RIMS4: variants seen among roughly 807,000 people sequenced by gnomAD.
RIMS4 encodes the protein regulating synaptic membrane exocytosis protein 4.
RIMS4 carries 9 observed loss-of-function variants against 29.0 expected under a neutral mutation model. The ratio of observed to expected loss-of-function variants is 0.31; its 90% CI spans 0.19 to 0.54. The LOEUF (loss-of-function observed/expected upper bound fraction) is 0.54. RIMS4 is among the 20% of genes least tolerant of loss of function. The pLI is 0.94. For missense variants in RIMS4, 193 were observed against 365.7 expected (o/e 0.53, Z 3.85); for synonymous variants, 130 against 152.9 (o/e 0.85, Z 1.10).
rs1797590388 is a variant in RIMS4 at position 44,756,599 on chromosome 20, T to C, written c.592-247A>G. Reference sequence around the variant, plus strand: ...GTAGAACACTTGCTGTAGGCAAAACTGCAAATACTTTTCCTGCACACAGCA... The same window carrying C: ...GTAGAACACTTGCTGTAGGCAAAACCGCAAATACTTTTCCTGCACACAGCA... On this transcript the variant is annotated intron_variant, in intron 5 of 5. Coordinates refer to ENST00000372851, the MANE Select transcript of RIMS4 (RefSeq NM_182970.4). This position sits in a 1 kb window ranked among gnomAD's most constrained non-coding sequence, Gnocchi z 5.9. 2.6e-5 allele frequency among the ~76,000 whole-genome samples: 4 copies of C among 152,152 alleles called. No homozygotes were observed. The highest frequency in any genetic ancestry group is 2.6e-4 in the Admixed American group (4 of 15,290).
At chr20:44,772,513 C>G (rs1361850587) in intron 1 of RIMS4, among the ~76,000 whole-genome samples, 1 of 152,190 alleles carries the variant, frequency 6.6e-6, no homozygotes, top group Non-Finnish European at 1.5e-5. Context: ...TGCTGCTGTT[C>G]ACCCCCATCC....
At chr20:44,757,562 G>A (rs2066066055) in intron 4 of RIMS4, 108 bp downstream of exon 4, 1 of 842,472 alleles carries the variant, frequency 1.2e-6, no homozygotes, top group Non-Finnish European at 2.0e-6. Flanking sequence ...TTGGGACAGG[G>A]GGTCCCCACA....
rs774009546 is a variant in RIMS4, at chr20:44,810,143, C to G, written c.97+32G>C. ...TACCGGACCTGGATCCCGGGACACC[C>G]CGGGGGTCTGGGGGGCGGGCCGCGC... is the stretch of plus-strand genomic sequence containing the variant. On this transcript the variant is annotated intron_variant, in intron 1 of 5. Transcript: ENST00000372851. 3 of 1,459,894 alleles carry G rather than the reference C, an allele frequency of 2.1e-6. 1 individual carries two copies. The South Asian group carries it at 3.6e-5, about 17-fold the overall frequency. 90.4% of individuals were successfully genotyped at this position (1,459,894 alleles called of 1,614,324 possible).
chr20:44,779,610 G>A (rs1481931018), intron 1 of RIMS4, among the ~76,000 whole-genome samples: 2 of 152,150 alleles, frequency 1.3e-5, no homozygotes, highest in East Asian at 3.8e-4. Flanking sequence ...AGTACATTGT[G>A]TGAATATATC....
intron 1 of RIMS4, among the ~76,000 whole-genome samples, chr20:44,780,866 G>C (rs2066181346): frequency 6.6e-6 from 1 of 152,198 alleles, no homozygotes; most frequent in Admixed American, 6.5e-5. Flanking sequence ...GAAAGCAAGA[G>C]GGGCAAAAGG....
intron 1 of RIMS4, among the ~76,000 whole-genome samples, chr20:44,790,196 C>T (rs574147549): frequency 2.2e-4 from 33 of 152,308 alleles, no homozygotes; most frequent in African/African-American, 2.9e-4. Flanking sequence ...GCACATGCAG[C>T]GCAGGTTGAG....
chr20:44,795,762 C>T (rs990149706), intron 1 of RIMS4, among the ~76,000 whole-genome samples: 5 of 152,012 alleles, frequency 3.3e-5, no homozygotes, highest in Non-Finnish European at 7.4e-5. Flanking sequence ...CTGTATCGGC[C>T]TTTTACACAG....
chr20:44,785,499 C>T (rs1257063172), intron 1 of RIMS4, among the ~76,000 whole-genome samples: 1 of 152,212 alleles, frequency 6.6e-6, no homozygotes, highest in Non-Finnish European at 1.5e-5. Context: ...GCATGAACTA[C>T]CTACCATGCC....
intron 2 of RIMS4, among the ~76,000 whole-genome samples, chr20:44,764,203 C>CATCCATCCACCCATCCATCCACTT (rs2066102653): frequency 5.0e-5 from 1 of 20,170 alleles, no homozygotes; most frequent in South Asian, 2.3e-3. Context: ...TCCATCCATC[C>CATCCATCCACCCATCCATCCACTT]ATCCATCCAC....
At chr20:44,758,374 G>A (rs2066069703) in intron 2 of RIMS4, among the ~76,000 whole-genome samples, 190 bp from the exon 3 acceptor site, 1 of 152,202 alleles carries the variant, frequency 6.6e-6, no homozygotes, top group Non-Finnish European at 1.5e-5. Context: ...GAGACCAGCA[G>A]CATCAGCATC....
chr20:44,789,176 G>T (rs1014832328), intron 1 of RIMS4, among the ~76,000 whole-genome samples: 3 of 151,578 alleles, frequency 2.0e-5, no homozygotes, highest in African/African-American at 7.3e-5. Flanking sequence ...TTTAAATCCG[G>T]GTCTGTCTGA....
At chr20:44,771,680 T>C (rs2066138272) in intron 1 of RIMS4, among the ~76,000 whole-genome samples, 1 of 152,224 alleles carries the variant, frequency 6.6e-6, no homozygotes, top group East Asian at 1.9e-4. Context: ...TGAAATCTTC[T>C]CCAAATCATT....
At chr20:44,773,790 C>T (rs2066147532) in intron 1 of RIMS4, among the ~76,000 whole-genome samples, 2 of 152,204 alleles carry the variant, frequency 1.3e-5, no homozygotes, top group Admixed American at 6.5e-5. Context: ...GCTCCCCACA[C>T]AGGTGAGCAT....
intron 1 of RIMS4, among the ~76,000 whole-genome samples, chr20:44,796,280 T>C (rs1194934091): frequency 6.6e-6 from 1 of 152,160 alleles, no homozygotes; most frequent in Non-Finnish European, 1.5e-5. Flanking sequence ...TTCTTCAAGC[T>C]GTGTAATGTC....
intron 2 of RIMS4, among the ~76,000 whole-genome samples, chr20:44,766,110 C>T (rs552835015): frequency 6.6e-6 from 1 of 152,210 alleles, no homozygotes; most frequent in African/African-American, 2.4e-5. Context: ...GTGAGAGCTG[C>T]TGATACAGCC....
intron 1 of RIMS4, among the ~76,000 whole-genome samples, chr20:44,807,080 A>AAC (rs3042702): frequency 2.6e-5 from 4 of 152,082 alleles, no homozygotes; most frequent in Admixed American, 1.3e-4. Context: ...TGGGCAACAA[A>AAC]ACACACACAC....
At chr20:44,766,885 A>G (rs1397784626) in intron 2 of RIMS4, among the ~76,000 whole-genome samples, 4 of 152,166 alleles carry the variant, frequency 2.6e-5, no homozygotes, top group Non-Finnish European at 5.9e-5. Flanking sequence ...TCAAGAGCCT[A>G]TGTTACCACA....
intron 1 of RIMS4, among the ~76,000 whole-genome samples, chr20:44,785,969 C>T: frequency 6.6e-6 from 1 of 152,114 alleles, no homozygotes; most frequent in East Asian, 1.9e-4. Flanking sequence ...CCGCCTACCC[C>T]AGAGAGCCCT....
intron 1 of RIMS4, among the ~76,000 whole-genome samples, chr20:44,776,554 C>T (rs927250785): frequency 3.9e-5 from 6 of 152,164 alleles, no homozygotes; most frequent in African/African-American, 1.4e-4. Context: ...TAAATAACAC[C>T]TATAACTTAT....
Sources: allele counts gnomAD v4.1 joint callset (sites outside exome capture counted in the v4.1 genomes callset), GRCh38; gene constraint gnomAD v4.1.1; non-coding constraint Gnocchi (gnomAD v3.1); transcripts MANE v1.5; gene names NCBI Gene and HGNC (gene_info 2026-07-23, HGNC 2026-07-21).